Variants in RGS21 observed in about 807,000 individuals in gnomAD.
RGS21 encodes regulator of G protein signaling 21, also known as regulator of G-protein signalling 21.
RGS21 carries 19 observed loss-of-function variants against 18.7 expected under a neutral mutation model. The ratio of observed to expected loss-of-function variants is 1.01; its 90% CI spans 0.71 to 1.49. RGS21 has a LOEUF of 1.49. Ranked by LOEUF, RGS21 falls within the 40% of genes most tolerant of loss-of-function variation. RGS21 has a pLI of 0.00. For missense variants in RGS21, 194 were observed against 176.8 expected (o/e 1.10, Z -0.55); for synonymous variants, 56 against 57.8 (o/e 0.97, Z 0.14).
intron 3 of RGS21, among the ~76,000 whole-genome samples, chr1:192,348,818 A>T (rs1344103509): frequency 6.6e-6 from 1 of 152,174 alleles, no homozygotes; most frequent in Non-Finnish European, 1.5e-5. Flanking sequence ...TTCATAAAGA[A>T]TAAAAATTAG....
intron 3 of RGS21, among the ~76,000 whole-genome samples, chr1:192,350,020 T>C (rs1037825015): frequency 6.6e-6 from 1 of 152,210 alleles, no homozygotes; most frequent in Non-Finnish European, 1.5e-5. Flanking sequence ...TGAAATTTCA[T>C]CATTGTTTGA....
At chr1:192,320,614 A>G (rs1658483075) in intron 1 of RGS21, among the ~76,000 whole-genome samples, 1 of 150,026 alleles carries the variant, frequency 6.7e-6, no homozygotes, top group Admixed American at 6.7e-5. Context: ...CCTGGTAAGA[A>G]AATACATTCA....
chr1:192,341,997 T>C (rs915485422), intron 1 of RGS21, among the ~76,000 whole-genome samples: 1 of 152,088 alleles, frequency 6.6e-6, no homozygotes, highest in Non-Finnish European at 1.5e-5. Flanking sequence ...TTCTTAATGA[T>C]ACACCGACTT....
At chr1:192,317,523 TC>T (rs1658437915) in intron 1 of RGS21, among the ~76,000 whole-genome samples, 1 of 149,766 alleles carries the variant, frequency 6.7e-6, no homozygotes, top group Non-Finnish European at 1.5e-5. Flanking sequence ...ATAACATCTT[TC>T]TCAAGGACAC....
At chr1:192,325,090 C>T (rs1433212401) in intron 1 of RGS21, among the ~76,000 whole-genome samples, 1 of 151,910 alleles carries the variant, frequency 6.6e-6, no homozygotes, top group African/African-American at 2.4e-5. Context: ...TTACATTATG[C>T]TTGGGTTTGG....
chr1:192,347,386 C>A lies in RGS21; in HGVS notation c.85C>A (p.Gln29Lys). The change falls in exon 3 of 5, where the codon CAA becomes AAA. Residue 29 changes from glutamine (Q) to lysine (K), a missense_variant. Transcript: ENST00000417209. ...AAATATGGACACGCTTTTAGCCAAC[C>A]AAGGTAAGATTTAACTAATAATAGG... Reference protein sequence around the residue: ...SENMDTLLANQAGLDAFRIFL... With the variant: ...SENMDTLLANKAGLDAFRIFL... 6.4e-7 allele frequency: 1 copy of A among 1,552,272 alleles called. No homozygotes were observed. The highest frequency in any genetic ancestry group is 8.9e-7 in the Non-Finnish European group (1 of 1,125,916).
Position 192,366,229 on chromosome 1 carries a change from T to G in RGS21, c.*105T>G. 1.4e-6 allele frequency: 1 copy of G among 715,998 alleles called. No homozygotes were observed. The highest frequency in any genetic ancestry group is 2.3e-6 in the Non-Finnish European group (1 of 426,168). 44.4% of individuals were successfully genotyped at this position (715,998 alleles called of 1,614,324 possible). ...TTTGTTTTTAGGATTTAGAAAACAT[T>G]TTTTACCCAAACAGATGAATAACGT... On this transcript the variant is annotated 3_prime_UTR_variant, in exon 5 of 5. Transcript: ENST00000417209.
chr1:192,331,783 T>A (rs1658661349), intron 1 of RGS21, among the ~76,000 whole-genome samples: 1 of 152,008 alleles, frequency 6.6e-6, no homozygotes, highest in East Asian at 1.9e-4. Flanking sequence ...AAATATTTTT[T>A]TAAAATTTAG....
intron 1 of RGS21, among the ~76,000 whole-genome samples, chr1:192,318,489 ACT>A (rs1210021982): frequency 2.6e-5 from 4 of 151,994 alleles, no homozygotes; most frequent in African/African-American, 7.2e-5. Flanking sequence ...GCTGAGCTAA[ACT>A]CTCTGTTCAG....
chr1:192,347,883 C>T (rs1658977451), intron 3 of RGS21, among the ~76,000 whole-genome samples: 1 of 152,032 alleles, frequency 6.6e-6, no homozygotes, highest in Non-Finnish European at 1.5e-5. Flanking sequence ...TGGTATCAAA[C>T]TCCTGACCTC....
chr1:192,343,025 G>A lies in RGS21; in HGVS notation c.-12G>A, dbSNP rs759682801. ...AACTCGGCATCATCTGTGACAGACA[G>A]TGGAACGAAAAATGCCAGTGAAGTG... On this transcript the variant is annotated 5_prime_UTR_variant, in exon 2 of 5. In the 5' UTR this introduces an upstream ATG that the reference lacks. Coordinates refer to ENST00000417209, the MANE Select transcript of RGS21 (RefSeq NM_001039152.3). The A allele has an allele frequency of 1.2e-6, 2 of 1,612,678 alleles. No individual in the cohort carries two copies. The highest frequency in any genetic ancestry group is 1.7e-5 in the Admixed American group (1 of 59,950).
intron 3 of RGS21, 122 bp from the exon 4 acceptor site, chr1:192,351,925 T>C: frequency 1.8e-6 from 1 of 565,488 alleles, no homozygotes; most frequent in East Asian, 3.0e-5. Flanking sequence ...TACATTTAGA[T>C]GCAATGATCA....
At chr1:192,326,793 A>G (rs1179577667) in intron 1 of RGS21, among the ~76,000 whole-genome samples, 2 of 152,210 alleles carry the variant, frequency 1.3e-5, no homozygotes, top group Non-Finnish European at 2.9e-5. Flanking sequence ...TTATGTGCCT[A>G]TCATTTAAGT....
intron 3 of RGS21, among the ~76,000 whole-genome samples, chr1:192,350,809 A>G (rs991156371): frequency 7.9e-5 from 12 of 152,172 alleles, no homozygotes; most frequent in African/African-American, 2.9e-4. Flanking sequence ...ACCTTCTCAC[A>G]TAAGCTCTGG....
intron 4 of RGS21, among the ~76,000 whole-genome samples, chr1:192,364,255 A>T (rs1269891156): frequency 6.6e-6 from 1 of 152,132 alleles, no homozygotes; most frequent in East Asian, 1.9e-4. Flanking sequence ...TTGTTCTGGA[A>T]CTTTGATGAG....
chr1:192,332,774 G>A lies in RGS21; in HGVS notation c.-60-10203G>A, dbSNP rs139886599. Among the ~76,000 whole-genome samples, 23 of 152,154 alleles carry A rather than the reference G, an allele frequency of 1.5e-4. No homozygotes were observed. In the East Asian group the frequency reaches 2.1e-3, roughly 14 times the overall value. On this transcript the variant is annotated intron_variant, in intron 1 of 4. Transcript: ENST00000417209. ...ACTCAACAGTTTAGCCAGACATGGCGCCTGTGCCTCACACCTGTAGTCCTA... is the reference window on the plus strand; with the variant it reads ...ACTCAACAGTTTAGCCAGACATGGCACCTGTGCCTCACACCTGTAGTCCTA...
intron 1 of RGS21, among the ~76,000 whole-genome samples, chr1:192,333,269 T>TACACACACACACACACAC (rs137948736): frequency 3.3e-4 from 47 of 143,012 alleles, no homozygotes; most frequent in African/African-American, 1.1e-3. Context: ...GTTTCTTAAA[T>TACACACACACACACACAC]ACACACACAC....
At chr1:192,347,199 C>T in intron 2 of RGS21, 114 bp from the exon 3 acceptor site, 1 of 660,888 alleles carries the variant, frequency 1.5e-6, no homozygotes, top group Non-Finnish European at 2.8e-6. Flanking sequence ...TGACATTTGG[C>T]TGTTTGATTA....
intron 1 of RGS21, among the ~76,000 whole-genome samples, chr1:192,342,130 T>C (rs1309468147): frequency 6.6e-6 from 1 of 152,038 alleles, no homozygotes; most frequent in Non-Finnish European, 1.5e-5. Flanking sequence ...TTTTACCTTC[T>C]TTTGACTGCT....
Sources: gnomAD v4.1 joint callset for allele counts (sites outside exome capture counted in the v4.1 genomes callset) on GRCh38, gnomAD v4.1.1 for gene constraint, MANE v1.5 for transcripts, NCBI Gene and HGNC (gene_info 2026-07-23, HGNC 2026-07-21) for gene names.